Variants in PIGN observed in about 807,000 individuals in gnomAD.
PIGN encodes the protein GPI ethanolamine phosphate transferase 1.
In PIGN, 117 loss-of-function variants were observed where a neutral mutation model predicts 125.4. The ratio of observed to expected loss-of-function variants is 0.93; its 90% CI spans 0.80 to 1.09. The LOEUF (loss-of-function observed/expected upper bound fraction) is 1.09, where lower values mean the gene tolerates loss of function less well. PIGN is among the 50% of genes least tolerant of loss of function. The probability of loss-of-function intolerance (pLI) is 0.00; values close to 1 mark genes in which losing one functional copy is unlikely to be tolerated. For synonymous variants in PIGN, 392 were observed against 377.8 expected, an observed-to-expected ratio of 1.04 and a Z score of -0.44; for missense variants, 1,075 against 1,094.9, an observed-to-expected ratio of 0.98 and a Z score of 0.26.
intron 9 of PIGN, among the ~76,000 whole-genome samples, chr18:62,146,724 T>C (rs2036342092): frequency 6.6e-6 from 1 of 152,226 alleles, no homozygotes; most frequent in Non-Finnish European, 1.5e-5. Context: ...ATAGCTACTT[T>C]TTATTTTCTT....
intron 7 of PIGN, among the ~76,000 whole-genome samples, chr18:62,153,083 A>T (rs1048731752): frequency 6.6e-6 from 1 of 152,070 alleles, no homozygotes; most frequent in African/African-American, 2.4e-5. Context: ...CAAATCCATT[A>T]TGCTGGCTCT....
At chr18:62,088,868 A>C in intron 24 of PIGN, 26 bp from the exon 25 acceptor site, 1 of 1,281,804 alleles carries the variant, frequency 7.8e-7, no homozygotes, top group Non-Finnish European at 1.1e-6. Flanking sequence ...AAAAATATTA[A>C]TGCACAATAA....
intron 22 of PIGN, among the ~76,000 whole-genome samples, chr18:62,098,745 G>T (rs879863333): frequency 1.3e-5 from 2 of 152,100 alleles, no homozygotes; most frequent in Non-Finnish European, 2.9e-5. Flanking sequence ...CATTTTGTAG[G>T]TATCCTCTAG....
chr18:62,157,322 G>A, intron 5 of PIGN, 95 bp from the exon 6 acceptor site: 2 of 602,056 alleles, frequency 3.3e-6, no homozygotes, highest in South Asian at 2.6e-5. Flanking sequence ...ACATTAGTCA[G>A]TGAATAAATG....
At chr18:62,061,183 A>G (rs2032100702) in intron 30 of PIGN, among the ~76,000 whole-genome samples, 1 of 152,192 alleles carries the variant, frequency 6.6e-6, no homozygotes, top group Admixed American at 6.5e-5. Context: ...CTATAAACAG[A>G]TATACTATCT....
At chr18:62,063,624 A>C (rs976971288) in intron 30 of PIGN, among the ~76,000 whole-genome samples, 3 of 149,408 alleles carry the variant, frequency 2.0e-5, no homozygotes, top group African/African-American at 4.9e-5. Flanking sequence ...TAAGTCCCCT[A>C]ATTGAAATTA....
chr18:62,095,861 G>A lies in PIGN; in HGVS notation c.2167C>T (p.Leu723Phe), dbSNP rs374945919. Residue 723 changes from leucine (L) to phenylalanine (F), a missense_variant, in exon 23 of 31, where the codon CTT becomes TTT. Leu to Phe is a conservative substitution (Grantham distance 22). Around this residue, in one of 3 missense-constraint regions of PIGN, gnomAD observed 915 missense variants for 908.7 expected, o/e 1.01. Coordinates refer to ENST00000640252, the MANE Select transcript of PIGN (RefSeq NM_176787.5). Reference protein sequence around the residue: ...ILLSLMSTYLLLSTGYEALFP... With the variant: ...ILLSLMSTYLFLSTGYEALFP... ...AAAAGTTTATACCCTGTGCTTAGAA[G>A]TAGGTAGGTTGACATCAATGAAAGA... 49 of 1,602,538 alleles carry A rather than the reference G, an allele frequency of 3.1e-5. No homozygotes were observed. The highest frequency in any genetic ancestry group is 4.2e-5 in the Non-Finnish European group (49 of 1,169,622).
chr18:62,144,469 C>T lies in PIGN; in HGVS notation c.923-1123G>A, dbSNP rs1359081951. ...CCAACTCTCAACTCATTGTACTCTGCTCCCAGCTGACAGTGCTCAGCCACA... is the reference window on the plus strand; with the variant it reads ...CCAACTCTCAACTCATTGTACTCTGTTCCCAGCTGACAGTGCTCAGCCACA... On this transcript the variant is annotated intron_variant, in intron 10 of 30. Coordinates refer to ENST00000640252, the MANE Select transcript of PIGN (RefSeq NM_176787.5). Among the ~76,000 whole-genome samples, 7 of 152,298 alleles carry T rather than the reference C, an allele frequency of 4.6e-5. No homozygotes were observed. In the South Asian group the frequency reaches 6.2e-4, roughly 14 times the overall value.
At chr18:62,174,714 A>G (rs1346495933) in intron 1 of PIGN, among the ~76,000 whole-genome samples, 1 of 152,118 alleles carries the variant, frequency 6.6e-6, no homozygotes, top group Admixed American at 6.6e-5. Context: ...TTATTAATTA[A>G]TTAAATCGGT....
intron 23 of PIGN, among the ~76,000 whole-genome samples, chr18:62,030,194 G>C (rs957893508): frequency 3.3e-5 from 5 of 152,324 alleles, no homozygotes; most frequent in Non-Finnish European, 5.9e-5. Flanking sequence ...CCACTAGAAG[G>C]CTTCACTCTG....
chr18:62,158,206 G>C (rs920347935), intron 4 of PIGN, among the ~76,000 whole-genome samples: 3 of 152,050 alleles, frequency 2.0e-5, no homozygotes, highest in African/African-American at 7.2e-5. Flanking sequence ...AAGTGTTTGG[G>C]GTAAAGTTTC....
At chr18:62,168,906 A>G (rs1291924736) in intron 1 of PIGN, among the ~76,000 whole-genome samples, 1 of 136,730 alleles carries the variant, frequency 7.3e-6, no homozygotes, top group African/African-American at 2.8e-5. Context: ...CCCAGGCTGG[A>G]GTGCAGTGGC....
intron 7 of PIGN, among the ~76,000 whole-genome samples, chr18:62,151,259 G>A (rs191912416): frequency 1.4e-3 from 211 of 152,288 alleles, no homozygotes; most frequent in Middle Eastern, 0.014. Flanking sequence ...AGGAATGTCG[G>A]GTGATGATTC....
chr18:62,107,126 T>TC, intron 17 of PIGN, 41 bp from the exon 18 acceptor site: 1 of 1,207,676 alleles, frequency 8.3e-7, no homozygotes, highest in Non-Finnish European at 1.2e-6. Context: ...TAAAGTTAGG[T>TC]CATACATAGT....
At position 62,155,441 on chromosome 18, in the gene PIGN, C is replaced by T. The variant is rs544153176; in HGVS notation, c.443-790G>A. ...AAAATTAGCTGGGTGTGGTGGTGTG[C>T]GCTTGTAATCCCAGCTACTCAGGGG... On this transcript the variant is annotated intron_variant, in intron 6 of 30. Transcript: ENST00000640252. Among the ~76,000 whole-genome samples, 205 of 152,060 alleles carry T rather than the reference C, an allele frequency of 1.3e-3. 1 individual carries two copies. The highest frequency in any genetic ancestry group is 1.6e-3 in the Non-Finnish European group (112 of 67,986).
intron 14 of PIGN, among the ~76,000 whole-genome samples, chr18:62,128,525 C>T (rs2035618193): frequency 6.6e-6 from 1 of 152,042 alleles, no homozygotes; most frequent in African/African-American, 2.4e-5. Flanking sequence ...AGCTACCCAA[C>T]TCCAGAATCA....
intron 26 of PIGN, 110 bp from the exon 27 acceptor site, chr18:62,084,716 C>T: frequency 4.0e-6 from 3 of 744,314 alleles, no homozygotes; most frequent in Non-Finnish European, 6.9e-6. Context: ...CTTACTAAAA[C>T]ACAAGCAAAC....
At chr18:62,079,737 C>G (rs2033358221) in intron 28 of PIGN, among the ~76,000 whole-genome samples, 1 of 149,872 alleles carries the variant, frequency 6.7e-6, no homozygotes, top group South Asian at 2.1e-4. Context: ...AAAACTCTGG[C>G]AGGAGCTGAA....
chr18:62,113,156 T>C lies in PIGN; in HGVS notation c.1412A>G (p.Lys471Arg). 1 of 1,610,156 alleles carries C rather than the reference T, an allele frequency of 6.2e-7. No individual in the cohort carries two copies. The highest frequency in any genetic ancestry group is 8.5e-7 in the Non-Finnish European group (1 of 1,177,820). ...LIIKSHSNLI[K>R]GVSKEVKKPS... ...TACCTTCACTTCTTTACTAACACCT[T>C]TTATAAGGTTGGAATGAGACTTGAT... Residue 471 changes from lysine (K) to arginine (R), a missense_variant, in exon 16 of 31, where the codon AAA becomes AGA. Coordinates refer to ENST00000640252, the MANE Select transcript of PIGN (RefSeq NM_176787.5).
Sources: allele counts gnomAD v4.1 joint callset (sites outside exome capture counted in the v4.1 genomes callset), GRCh38; gene constraint gnomAD v4.1.1; regional missense constraint gnomAD v4.1.1; transcripts MANE v1.5; gene names NCBI Gene and HGNC (gene_info 2026-07-23, HGNC 2026-07-21).